CTSF: variants seen among roughly 807,000 people sequenced by gnomAD.
The protein encoded by CTSF is cathepsin F.
In CTSF, 65 loss-of-function variants were observed where a neutral mutation model predicts 63.5. The ratio of observed to expected loss-of-function variants is 1.02; its 90% CI spans 0.84 to 1.26. CTSF has a LOEUF of 1.26. CTSF is among the 50% of genes most tolerant of loss of function. The probability of loss-of-function intolerance (pLI) is 0.00; values close to 1 mark genes in which losing one functional copy is unlikely to be tolerated. For synonymous variants in CTSF, 256 were observed against 258.1 expected (o/e 0.99, Z 0.08); for missense variants, 641 against 631.0 (o/e 1.02, Z -0.17).
rs545803714 is a variant in CTSF, at chr11:66,565,435, T to C, written c.1045+236A>G. On this transcript the variant is annotated intron_variant, in intron 8 of 12. Transcript: ENST00000310325. ...TCTTTAATTTTTTGTAGAGATGGGG[T>C]CTTGCTATGTTGCCCAACCTGGTCC... Among the ~76,000 whole-genome samples the C allele has an allele frequency of 1.6e-4, 25 of 152,160 alleles. 2 individuals carry two copies. In the South Asian group the frequency reaches 4.6e-3, roughly 28 times the overall value.
chr11:66,565,597 C>T, intron 8 of CTSF, 74 bp downstream of exon 8: 1 of 1,586,906 alleles, frequency 6.3e-7, no homozygotes. Context: ...TCATGTCTCC[C>T]CCCCATTATG....
rs879367541 is a variant in CTSF at position 66,563,554 on chromosome 11, G to C, written c.*379C>G. On this transcript the variant is annotated 3_prime_UTR_variant, in exon 13 of 13. Coordinates refer to ENST00000310325, the MANE Select transcript of CTSF (RefSeq NM_003793.4). ...AGGGACACTATCCCTAAATCCAAGG[G>C]AACCAGAAAATTTATAGTATCAAAC... The C allele has an allele frequency of 2.2e-6, 1 of 447,028 alleles. No individual in the cohort carries two copies. The highest frequency in any genetic ancestry group is 3.7e-5 in the Admixed American group (1 of 27,204). The allele number at this position is 447,028 out of a possible 1,614,324, so 27.7% of individuals were successfully genotyped here. A position where few individuals can be genotyped will look rare whatever the true frequency, so the allele number is the denominator to read the frequency against.
Position 66,567,401 on chromosome 11 carries a change from T to TGGCTCCTCAAGCTGAG in CTSF, c.531+27_531+42dup, listed in dbSNP as rs527638704. The TGGCTCCTCAAGCTGAG allele has an allele frequency of 3.0e-4, 484 of 1,613,016 alleles. 1 individual carries two copies. The highest frequency in any genetic ancestry group is 2.3e-3 in the South Asian group (210 of 91,008). The stretch of plus-strand genomic sequence containing the variant: ...GGGAGAAGGGTGATGAGGCAGCGGC[T>TGGCTCCTCAAGCTGAG]GGCTCCTCAAGCTGAGGGCTCCTCA... On this transcript the variant is annotated intron_variant, in intron 3 of 12. Transcript: ENST00000310325.
rs776303065 is a variant in CTSF, at chr11:66,564,151, G to A, written c.1322-5C>T. 1 of 1,609,954 alleles carries A rather than the reference G, an allele frequency of 6.2e-7. No individual in the cohort carries two copies. Among genetic ancestry groups the A allele is most frequent in the Admixed American group, 1.7e-5 (1 of 59,314 alleles). ...CCCAAAAGGGAACGTCAGAGCCTGGGGTGCAGTGCAGAGCGCAAGGATCAG... is the reference window on the plus strand; with the variant it reads ...CCCAAAAGGGAACGTCAGAGCCTGGAGTGCAGTGCAGAGCGCAAGGATCAG... On this transcript the variant is annotated splice_polypyrimidine_tract_variant and splice_region_variant and intron_variant, in intron 11 of 12. Transcript: ENST00000310325.
chr11:66,565,189 G>C (rs928845045), intron 8 of CTSF, among the ~76,000 whole-genome samples, 183 bp from the exon 9 acceptor site: 13 of 152,184 alleles, frequency 8.5e-5, no homozygotes, highest in African/African-American at 3.1e-4. Flanking sequence ...AGATGGGGAG[G>C]AGGGACCAGT....
At position 66,566,078 on chromosome 11, in the gene CTSF, C is replaced by T. The variant is rs752001068; in HGVS notation, c.811G>A (p.Ala271Thr). 6 of 1,614,012 alleles carry T rather than the reference C, an allele frequency of 3.7e-6. No individual in the cohort carries two copies. Among genetic ancestry groups the T allele is most frequent in the East Asian group, 4.5e-5 (2 of 44,894 alleles). The change falls in exon 6 of 13, where the codon GCC (alanine) becomes ACC (threonine). Residue 271 changes from alanine to threonine, a missense_variant. Physicochemically the swap from Ala to Thr is moderately conservative, Grantham distance 58. Coordinates refer to ENST00000310325, the MANE Select transcript of CTSF (RefSeq NM_003793.4). ...CTCCTCCAGTCCCATTCAGGTGGGG[C>T]GAGGTCACCCACAGACTTGGCTTGC... ...MKQAKSVGDL[A>T]PPEWDWRSKG... is the part of the protein sequence containing the mutation.
chr11:66,567,763 C>T lies in CTSF; in HGVS notation c.313-101G>A, dbSNP rs1040193225. ...GGAGGCTCCTCAGATGAGAGCCACC[C>T]CTAAGGCAATCACCCCATCACAGTG... On this transcript the variant is annotated intron_variant, in intron 2 of 12. Transcript: ENST00000310325. 7 of 1,482,970 alleles carry T rather than the reference C, an allele frequency of 4.7e-6. No homozygotes were observed. In the African/African-American group the frequency reaches 9.8e-5, roughly 21 times the overall value. The allele number at this position is 1,482,970 out of a possible 1,614,324, so 91.9% of individuals were successfully genotyped here. A position where few individuals can be genotyped will look rare whatever the true frequency, so the allele number is the denominator to read the frequency against.
chr11:66,565,646 C>T (rs1555058137), intron 8 of CTSF, 25 bp downstream of exon 8: 1 of 1,612,616 alleles, frequency 6.2e-7, no homozygotes, highest in South Asian at 1.1e-5. Flanking sequence ...CTCCGGTTGC[C>T]CCTCCTGACC....
At chr11:66,566,248 T>C (rs1857929988) in intron 5 of CTSF, 43 bp downstream of exon 5, 1 of 1,613,890 alleles carries the variant, frequency 6.2e-7, no homozygotes, top group Non-Finnish European at 8.5e-7. Flanking sequence ...AGCAAGGTCC[T>C]GTCTCTTCCT....
Position 66,565,582 on chromosome 11 carries a change from C to A in CTSF, c.1045+89G>T. On this transcript the variant is annotated intron_variant, in intron 8 of 12. Transcript: ENST00000310325. ...CCTGGACCCAGTTCTGTGTAACTCT[C>A]ATGCTCATGTCTCCCCCCCATTATG... The A allele has an allele frequency of 3.2e-6, 5 of 1,560,608 alleles. No individual in the cohort carries two copies. In the South Asian group the frequency reaches 5.6e-5, roughly 18 times the overall value.
At chr11:66,567,721 C>A (rs930669763) in intron 2 of CTSF, 59 bp from the exon 3 acceptor site, 6 of 1,570,510 alleles carry the variant, frequency 3.8e-6, no homozygotes, top group Non-Finnish European at 5.2e-6. Flanking sequence ...GGAGCAAGAT[C>A]TGGCCAAGAT....
Position 66,568,562 on chromosome 11 carries a change from G to C in CTSF, c.-76C>G. On this transcript the variant is annotated 5_prime_UTR_variant, in exon 1 of 13. Transcript: ENST00000310325. ...CCGGGTACCGAGCCCGCGGCCAGCG[G>C]GGCCTGAGTCCTCCCTCCAGCGGGG... is the stretch of plus-strand genomic sequence containing the variant. 7.0e-7 allele frequency: 1 copy of C among 1,430,024 alleles called. No homozygotes were observed. The highest frequency in any genetic ancestry group is 9.1e-7 in the Non-Finnish European group (1 of 1,094,486). 88.6% of individuals were successfully genotyped at this position (1,430,024 alleles called of 1,614,324 possible). A position where few individuals can be genotyped will look rare whatever the true frequency, so the allele number is the denominator to read the frequency against.
chr11:66,567,811 C>G, intron 2 of CTSF, 149 bp from the exon 3 acceptor site: 1 of 1,364,728 alleles, frequency 7.3e-7, no homozygotes, highest in Admixed American at 2.7e-5. Context: ...CGGCCTGCAC[C>G]GGGGCATCCT....
In CTSF at chr11:66,564,444, G is replaced by A. The variant is rs1421483964; in HGVS notation, c.1321+114C>T. The A allele has an allele frequency of 4.9e-6, 5 of 1,010,920 alleles. No homozygotes were observed. In the East Asian group the frequency reaches 1.0e-4, roughly 21 times the overall value. The allele number at this position is 1,010,920 out of a possible 1,614,324, so 62.6% of individuals were successfully genotyped here. A position where few individuals can be genotyped will look rare whatever the true frequency, so the allele number is the denominator to read the frequency against. ...CAGCTGGTCATGGCCCAGGCAGTGG[G>A]TAAGGACAGGGTTCCTAGGCATTCC... is the stretch of plus-strand genomic sequence containing the variant. On this transcript the variant is annotated intron_variant, in intron 11 of 12. Transcript: ENST00000310325.
Position 66,563,862 on chromosome 11 carries a change from G to A in CTSF, c.*71C>T. 6.3e-7 allele frequency: 1 copy of A among 1,584,564 alleles called. No homozygotes were observed. Among genetic ancestry groups the A allele is most frequent in the South Asian group, 1.1e-5 (1 of 89,420 alleles). On this transcript the variant is annotated 3_prime_UTR_variant, in exon 13 of 13. Transcript: ENST00000310325. ...TGCCAGCTGTACCTCCCGGGGAGGG[G>A]CCTGGACACATGTCAGGCTGGGGCA...
chr11:66,565,521 C>T, intron 8 of CTSF, 150 bp downstream of exon 8: 2 of 1,122,772 alleles, frequency 1.8e-6, no homozygotes, highest in Non-Finnish European at 2.6e-6. Context: ...GAATTACAGG[C>T]ATGAGCCACC....
In CTSF at chr11:66,564,139, G is replaced by A. The variant is rs746980424; in HGVS notation, c.1329C>T (p.Asp443=). 9.4e-5 allele frequency: 152 copies of A among 1,611,574 alleles called. 1 individual carries two copies. In the East Asian group the frequency reaches 2.8e-3, roughly 29 times the overall value. ...TGTTCTTGATGGCCCAAAAGGGAAC[G>A]TCAGAGCCTGGGGTGCAGTGCAGAG... ...VLLVGYGNRS[D]VPFWAIKNSW... The change falls in exon 12 of 13, where the codon GAC becomes GAT. Residue 443 remains aspartate, a synonymous_variant. Coordinates refer to ENST00000310325, the MANE Select transcript of CTSF (RefSeq NM_003793.4).
Position 66,563,792 on chromosome 11 carries a change from C to G in CTSF, c.*141G>C. The G allele has an allele frequency of 4.0e-6, 4 of 1,009,742 alleles. No homozygotes were observed. The highest frequency in any genetic ancestry group is 3.0e-5 in the South Asian group (2 of 65,908). The allele number at this position is 1,009,742 out of a possible 1,614,324, so 62.5% of individuals were successfully genotyped here. On this transcript the variant is annotated 3_prime_UTR_variant, in exon 13 of 13. Transcript: ENST00000310325. ...CAGGGAAGCAGGGGCTGTGCCCCAG[C>G]CCAGTGCCCTCTGCTCACCCTGAGG... is the stretch of plus-strand genomic sequence containing the variant.
chr11:66,568,211 T>A, intron 1 of CTSF, 63 bp downstream of exon 1: 2 of 1,524,040 alleles, frequency 1.3e-6, no homozygotes, highest in East Asian at 2.5e-5. Context: ...CATCCCAATG[T>A]TAGGTCAAAG....
Sources: allele counts gnomAD v4.1 joint callset (sites outside exome capture counted in the v4.1 genomes callset), GRCh38; gene constraint gnomAD v4.1.1; transcripts MANE v1.5; gene names NCBI Gene and HGNC (gene_info 2026-07-23, HGNC 2026-07-21).